The following ARHGAP22 variants were observed in gnomAD, a reference collection of about 807,000 sequenced individuals.
ARHGAP22 encodes rho GTPase-activating protein 22.
A neutral mutation model predicts 59.1 loss-of-function variants in ARHGAP22; 48 were observed. The ratio of observed to expected loss-of-function variants is 0.81; its 90% CI spans 0.64 to 1.03. ARHGAP22 has a LOEUF of 1.03. Among genes scored for constraint, ARHGAP22 ranks in the 50% least tolerant of loss-of-function variants. The pLI is 0.00. For missense variants in ARHGAP22, 1,015 were observed against 958.7 expected, an observed-to-expected ratio of 1.06 and a Z score of -0.78; for synonymous variants, 445 against 416.4, an observed-to-expected ratio of 1.07 and a Z score of -0.84.
chr10:48,608,893 C>T (rs1282122653), upstream of ARHGAP22, among the ~76,000 whole-genome samples: 1 of 152,014 alleles, frequency 6.6e-6, no homozygotes, highest in Admixed American at 6.6e-5. Context: ...TCATAATTTC[C>T]AAATCATTTT....
intron 1 of ARHGAP22, among the ~76,000 whole-genome samples, chr10:48,625,693 T>TACACACACACAC (rs56897057): frequency 1.7e-4 from 24 of 138,964 alleles, no homozygotes; most frequent in African/African-American, 4.0e-4. Context: ...CTGCAACGTG[T>TACACACACACAC]ACACACACAC....
chr10:48,484,200 T>C (rs1414983332), intron 3 of ARHGAP22, among the ~76,000 whole-genome samples: 2 of 152,200 alleles, frequency 1.3e-5, no homozygotes, highest in African/African-American at 4.8e-5. Context: ...CTGAGCCACG[T>C]TTTTATTGGG....
At chr10:48,481,577 G>C (rs1443725472) in intron 3 of ARHGAP22, among the ~76,000 whole-genome samples, 1 of 152,158 alleles carries the variant, frequency 6.6e-6, no homozygotes. Flanking sequence ...ACTTGGATCT[G>C]CCCTGCCCAG....
At chr10:48,567,165 C>T (rs1172797646) in intron 2 of ARHGAP22, among the ~76,000 whole-genome samples, 1 of 152,218 alleles carries the variant, frequency 6.6e-6, no homozygotes, top group African/African-American at 2.4e-5. Context: ...TGCCCTGAGT[C>T]ACTCCTGGGG....
intron 1 of ARHGAP22, among the ~76,000 whole-genome samples, chr10:48,594,793 C>T (rs1477809989): frequency 1.3e-5 from 2 of 152,140 alleles, no homozygotes; most frequent in Non-Finnish European, 2.9e-5. Context: ...GTACTTCACT[C>T]TTCAGTTGGG....
At chr10:48,591,866 C>A (rs1041667755) in intron 1 of ARHGAP22, among the ~76,000 whole-genome samples, 11 of 151,808 alleles carry the variant, frequency 7.2e-5, no homozygotes, top group African/African-American at 1.2e-4. Context: ...AGAGCAAGAC[C>A]CTGTCTAAAA....
At chr10:48,516,698 A>G (rs2053322710) in intron 3 of ARHGAP22, among the ~76,000 whole-genome samples, 1 of 152,236 alleles carries the variant, frequency 6.6e-6, no homozygotes, top group African/African-American at 2.4e-5. Context: ...CCAAATGTTC[A>G]CAAACTCTTC....
At chr10:48,442,916 A>G (rs909595607), downstream of ARHGAP22, among the ~76,000 whole-genome samples, 25 of 152,164 alleles carry the variant, frequency 1.6e-4, no homozygotes, top group African/African-American at 5.8e-4. Flanking sequence ...ATGCCCAGAT[A>G]GCATAGAGAT....
chr10:48,492,796 C>T (rs930907992), intron 3 of ARHGAP22, among the ~76,000 whole-genome samples: 3 of 152,064 alleles, frequency 2.0e-5, no homozygotes, highest in Non-Finnish European at 4.4e-5. Context: ...TCAGGTGATC[C>T]GCCCACCTCA....
intron 3 of ARHGAP22, chr10:48,532,438 T>G (rs1461677421): frequency 6.6e-6 from 1 of 152,146 alleles, no homozygotes; most frequent in African/African-American, 2.4e-5. Flanking sequence ...GACATTGGAA[T>G]TGGAAGGTTC....
chr10:48,468,801 A>T (rs2047957367), intron 4 of ARHGAP22, among the ~76,000 whole-genome samples: 1 of 152,156 alleles, frequency 6.6e-6, no homozygotes, highest in African/African-American at 2.4e-5. Context: ...GACACTAAGT[A>T]TGGGGGCTAA....
In ARHGAP22 at chr10:48,479,772, A is replaced by G. The variant is rs777068438; in HGVS notation, c.323-8T>C. On this transcript the variant is annotated splice_region_variant and splice_polypyrimidine_tract_variant and intron_variant, in intron 3 of 9. Transcript: ENST00000249601. ...CCCGCTCCCCGGCACCACCTGCAAG[A>G]CAGGGAGACACAGGCTTACGCAGGG... is the stretch of plus-strand genomic sequence containing the variant. 48 of 1,570,142 alleles carry G rather than the reference A, an allele frequency of 3.1e-5. No homozygotes were observed. Among genetic ancestry groups the G allele is most frequent in the Non-Finnish European group, 4.1e-5 (47 of 1,156,338 alleles).
chr10:48,592,343 C>T (rs1021789055), intron 1 of ARHGAP22, among the ~76,000 whole-genome samples: 1 of 152,182 alleles, frequency 6.6e-6, no homozygotes, highest in African/African-American at 2.4e-5. Context: ...AGTCAGGCTT[C>T]CCCAACATCC....
At chr10:48,458,539 A>T (rs4012794) in intron 5 of ARHGAP22, among the ~76,000 whole-genome samples, 41 of 152,192 alleles carry the variant, frequency 2.7e-4, no homozygotes, top group African/African-American at 6.5e-4. Context: ...TGAGTAGGGG[A>T]GTGGCAAGGT....
chr10:48,432,162 G>C, the ARHGAP22 span, among the ~76,000 whole-genome samples: 9 of 152,204 alleles, frequency 5.9e-5, no homozygotes, highest in Non-Finnish European at 1.2e-4. Context: ...GCCTTAAAGA[G>C]TGAGTAGTAT....
the ARHGAP22 span, chr10:48,431,130 A>G: frequency 2.0e-6 from 2 of 995,104 alleles, no homozygotes; most frequent in Admixed American, 1.8e-5. Context: ...CTTAAACCAT[A>G]CATGCGTTGT....
intron 1 of ARHGAP22, among the ~76,000 whole-genome samples, chr10:48,594,852 G>A (rs1396561037): frequency 6.6e-6 from 1 of 151,904 alleles, no homozygotes; most frequent in Non-Finnish European, 1.5e-5. Flanking sequence ...AGGGTAACAG[G>A]ACTTTGCTCA....
At chr10:48,457,848 A>AGGCT (rs1347027055) in intron 5 of ARHGAP22, among the ~76,000 whole-genome samples, 1 of 148,718 alleles carries the variant, frequency 6.7e-6, no homozygotes, top group African/African-American at 2.5e-5. Flanking sequence ...GCAGGCAGGC[A>AGGCT]GGCTATGGCC....
chr10:48,485,823 G>T (rs1451798198), intron 3 of ARHGAP22, among the ~76,000 whole-genome samples: 1 of 152,038 alleles, frequency 6.6e-6, no homozygotes, highest in Non-Finnish European at 1.5e-5. Context: ...GTTTTCTTTT[G>T]ATTAGTGTCA....
Sources: allele counts gnomAD v4.1 joint callset (sites outside exome capture counted in the v4.1 genomes callset), GRCh38; gene constraint gnomAD v4.1.1; transcripts MANE v1.5; gene names NCBI Gene and HGNC (gene_info 2026-07-23, HGNC 2026-07-21).